The following TAFA2 variants were observed in gnomAD, a reference collection of about 807,000 sequenced individuals.
The protein encoded by TAFA2 is TAFA chemokine like family member 2.
In TAFA2, 7 loss-of-function variants were observed where a neutral mutation model predicts 18.8. That is an observed-to-expected ratio of 0.37 (90% CI 0.21 to 0.70). The LOEUF (loss-of-function observed/expected upper bound fraction) is 0.70, where lower values mean the gene tolerates loss of function less well. TAFA2 is among the 30% of genes least tolerant of loss of function. TAFA2 has a pLI of 0.53. For synonymous variants in TAFA2, 60 were observed against 54.2 expected, an observed-to-expected ratio of 1.11 and a Z score of -0.47; for missense variants, 122 against 158.1, an observed-to-expected ratio of 0.77 and a Z score of 1.23.
At chr12:61,895,961 C>T (rs993222132) in intron 1 of TAFA2, among the ~76,000 whole-genome samples, 3 of 151,632 alleles carry the variant, frequency 2.0e-5, no homozygotes, top group Non-Finnish European at 4.4e-5. Context: ...AAACAGATTG[C>T]CCTGTAAATA....
chr12:61,826,073 A>C (rs968150128), intron 2 of TAFA2, among the ~76,000 whole-genome samples: 2 of 152,096 alleles, frequency 1.3e-5, no homozygotes, highest in Non-Finnish European at 2.9e-5. Context: ...GACAACTAGA[A>C]GCAGGATTAT....
intron 1 of TAFA2, among the ~76,000 whole-genome samples, chr12:62,200,242 G>A (rs571607091): frequency 6.6e-6 from 1 of 152,252 alleles, no homozygotes; most frequent in South Asian, 2.1e-4. Context: ...TTGCTGTGTA[G>A]AAGCTCTTTG....
chr12:62,202,533 A>C (rs2062675525), intron 1 of TAFA2, among the ~76,000 whole-genome samples: 1 of 151,552 alleles, frequency 6.6e-6, no homozygotes, highest in African/African-American at 2.4e-5. Context: ...AGGTGGACAG[A>C]CTGGTCTCAA....
At chr12:62,008,060 G>A (rs951295770) in intron 1 of TAFA2, among the ~76,000 whole-genome samples, 1 of 152,032 alleles carries the variant, frequency 6.6e-6, no homozygotes, top group African/African-American at 2.4e-5. Flanking sequence ...CCACATATGA[G>A]TGAGATCATA....
chr12:62,249,492 G>A (rs1481952605), intron 1 of TAFA2, among the ~76,000 whole-genome samples: 1 of 152,042 alleles, frequency 6.6e-6, no homozygotes, highest in African/African-American at 2.4e-5. Context: ...TTATTAAAAA[G>A]AGCCTGGCAC....
At chr12:62,183,467 T>C (rs10784287) in intron 1 of TAFA2, among the ~76,000 whole-genome samples, 19,438 of 152,214 alleles carry the variant, frequency 0.13, 1,656 homozygotes, top group East Asian at 0.33. Context: ...CACTGCAGCC[T>C]CAACCTCCTG....
intron 1 of TAFA2, chr12:61,879,479 T>A: frequency 1.4e-6 from 1 of 692,530 alleles, no homozygotes; most frequent in Admixed American, 2.0e-5. Context: ...GGTGGAGGCT[T>A]TGGCGGGGCC....
In TAFA2 at chr12:61,897,947, A is replaced by C. The variant is rs375033652; in HGVS notation, c.-1-30521T>G. Among the ~76,000 whole-genome samples, 9 of 152,348 alleles carry C rather than the reference A, an allele frequency of 5.9e-5. No homozygotes were observed. In the East Asian group the frequency reaches 1.7e-3, roughly 29 times the overall value. The stretch of plus-strand genomic sequence containing the variant: ...AATCAAAAGCAAGTTAGTTACTTCC[A>C]AGATACAATGGGGGTGCAGGCATTG... On this transcript the variant is annotated intron_variant, in intron 1 of 4. Coordinates refer to ENST00000416284, the MANE Select transcript of TAFA2 (RefSeq NM_178539.5).
chr12:62,230,651 T>G (rs1211805805), intron 1 of TAFA2, among the ~76,000 whole-genome samples: 2 of 152,108 alleles, frequency 1.3e-5, no homozygotes, highest in African/African-American at 4.8e-5. Context: ...CTAAAGAATG[T>G]TTTTGGGTTT....
At chr12:62,079,157 T>A (rs1201917356) in intron 1 of TAFA2, among the ~76,000 whole-genome samples, 1 of 152,004 alleles carries the variant, frequency 6.6e-6, no homozygotes, top group Non-Finnish European at 1.5e-5. Flanking sequence ...CACACTAACA[T>A]CTCCCTTGCA....
chr12:61,989,061 A>T (rs2136686070), intron 1 of TAFA2, among the ~76,000 whole-genome samples: 1 of 152,296 alleles, frequency 6.6e-6, no homozygotes, highest in African/African-American at 2.4e-5. Flanking sequence ...ATTTTAAGGC[A>T]GATATGCATT....
chr12:61,864,033 T>C (rs1189028793), intron 2 of TAFA2, among the ~76,000 whole-genome samples: 1 of 152,150 alleles, frequency 6.6e-6, no homozygotes, highest in African/African-American at 2.4e-5. Flanking sequence ...TCTAGCCTGC[T>C]TCACTTGCTC....
intron 1 of TAFA2, among the ~76,000 whole-genome samples, chr12:62,050,324 A>T (rs1882017178): frequency 1.3e-5 from 2 of 152,224 alleles, no homozygotes; most frequent in South Asian, 4.2e-4. Flanking sequence ...TAATCCCAGC[A>T]CTTTGGGAGG....
At chr12:62,146,037 C>T (rs897049815) in intron 1 of TAFA2, among the ~76,000 whole-genome samples, 12 of 152,160 alleles carry the variant, frequency 7.9e-5, no homozygotes, top group Admixed American at 2.6e-4. Flanking sequence ...CTCCTCTTCA[C>T]CCTACTCTTT....
chr12:62,174,071 C>T lies in TAFA2; in HGVS notation c.-2+17188G>A, dbSNP rs540733919. Among the ~76,000 whole-genome samples, 6 of 152,262 alleles carry T rather than the reference C, an allele frequency of 3.9e-5. No homozygotes were observed. In the East Asian group the frequency reaches 9.6e-4, roughly 24 times the overall value. Reference sequence around the variant, plus strand: ...CTTTGGGAGGCCAAGGTGGGCGGATCGCTTGAGGCCAGGAGTTCAAGACCA... The same window carrying T: ...CTTTGGGAGGCCAAGGTGGGCGGATTGCTTGAGGCCAGGAGTTCAAGACCA... On this transcript the variant is annotated intron_variant, in intron 1 of 4. Coordinates refer to ENST00000416284, the MANE Select transcript of TAFA2 (RefSeq NM_178539.5).
chr12:62,189,331 T>A (rs2136959571), intron 1 of TAFA2, among the ~76,000 whole-genome samples: 1 of 152,306 alleles, frequency 6.6e-6, no homozygotes, highest in Non-Finnish European at 1.5e-5. Context: ...ACAATCCAAC[T>A]TTTTTATTGA....
intron 4 of TAFA2, among the ~76,000 whole-genome samples, chr12:61,746,620 G>A (rs1045509361): frequency 1.3e-5 from 2 of 152,112 alleles, no homozygotes; most frequent in African/African-American, 4.8e-5. Flanking sequence ...CTGGACATCT[G>A]ACCTAAAGAT....
intron 2 of TAFA2, among the ~76,000 whole-genome samples, chr12:61,816,035 C>G (rs2121028609): frequency 6.6e-6 from 1 of 151,262 alleles, no homozygotes; most frequent in South Asian, 2.1e-4. Context: ...TATTTTTAAA[C>G]TTTTAGGCTT....
intron 1 of TAFA2, among the ~76,000 whole-genome samples, chr12:61,991,808 G>T (rs1003650737): frequency 6.6e-6 from 1 of 152,148 alleles, no homozygotes; most frequent in Non-Finnish European, 1.5e-5. Context: ...CTCCTGTCAA[G>T]GTCACCAATG....
Sources: gnomAD v4.1 joint callset for allele counts (sites outside exome capture counted in the v4.1 genomes callset) on GRCh38, gnomAD v4.1.1 for gene constraint, MANE v1.5 for transcripts, NCBI Gene and HGNC (gene_info 2026-07-23, HGNC 2026-07-21) for gene names.